The following MKNK2 variants were observed in gnomAD, a reference collection of about 807,000 sequenced individuals.
MKNK2 encodes MAP kinase-interacting serine/threonine-protein kinase 2.
MKNK2 carries 54 observed loss-of-function variants against 55.0 expected under a neutral mutation model. The observed-to-expected ratio is 0.98, with a 90% CI of 0.79 to 1.23. The LOEUF (loss-of-function observed/expected upper bound fraction) is 1.23, where lower values mean the gene tolerates loss of function less well. MKNK2 is among the 50% of genes most tolerant of loss of function. The pLI, the probability that MKNK2 is intolerant of heterozygous loss-of-function variation, is 0.00. For synonymous variants in MKNK2, 323 were observed against 256.0 expected (o/e 1.26, Z -2.50); for missense variants, 685 against 632.1 (o/e 1.08, Z -0.90).
chr19:2,041,910 T>C lies in MKNK2; in HGVS notation c.875A>G (p.Tyr292Cys). ...GVILYILLSG[Y>C]PPFVGRCGSD... ...GCCACAGCGGCCCACGAAGGGCGGG[T>C]AGCCGCTGAGTAGGATATACAAGAT... The change falls in exon 11 of 14, where the codon TAC (tyrosine) becomes TGC (cysteine). Residue 292 changes from tyrosine (Y) to cysteine (C), a missense_variant. Physicochemically the swap from Tyr to Cys is radical, Grantham distance 194 (BLOSUM62 -2). Transcript: ENST00000250896. 3 of 1,546,214 alleles carry C rather than the reference T, an allele frequency of 1.9e-6. No homozygotes were observed. Among genetic ancestry groups the C allele is most frequent in the Non-Finnish European group, 2.6e-6 (3 of 1,144,974 alleles).
chr19:2,040,863 A>ACCCCTCATCC (rs1159929525), intron 12 of MKNK2, 177 bp downstream of exon 12: 1 of 659,578 alleles, frequency 1.5e-6, no homozygotes, highest in Admixed American at 2.9e-5. Context: ...GGCACCGTGC[A>ACCCCTCATCC]CAGGCGGGCG....
chr19:2,048,616 G>A (rs2017048826), intron 2 of MKNK2, among the ~76,000 whole-genome samples: 1 of 152,198 alleles, frequency 6.6e-6, no homozygotes, highest in African/African-American at 2.4e-5. Flanking sequence ...TCTAACAAGA[G>A]GGTCGTTCAG....
chr19:2,041,707 T>G (rs1304681286), intron 11 of MKNK2, 133 bp downstream of exon 11: 10 of 671,302 alleles, frequency 1.5e-5, no homozygotes, highest in Non-Finnish European at 2.4e-5. Context: ...CCCCGAGGGT[T>G]AGGGGGTGGT....
At chr19:2,040,300 G>A in intron 12 of MKNK2, 123 bp from the exon 13 acceptor site, 5 of 883,014 alleles carry the variant, frequency 5.7e-6, no homozygotes, top group Non-Finnish European at 8.4e-6. Flanking sequence ...CGGAGACCAG[G>A]AGTGCACCTG....
chr19:2,042,916 C>A, intron 7 of MKNK2, 46 bp from the exon 8 acceptor site: 1 of 1,522,114 alleles, frequency 6.6e-7, no homozygotes, highest in East Asian at 2.4e-5. Context: ...ACGCAGGTCA[C>A]CTCAAAGTCC....
Position 2,046,430 on chromosome 19 carries a change from T to C in MKNK2, c.178A>G (p.Lys60Glu), listed in dbSNP as rs1240110507. Residue 60 changes from lysine (K) to glutamate (E), a missense_variant, in exon 4 of 14, where the codon AAG (lysine) becomes GAG (glutamate). Physicochemically the swap from Lys to Glu is moderately conservative, Grantham distance 56. Transcript: ENST00000250896. ...ASQPIDIPDAKKRGKKKKRGR... is the reference protein window; with the variant it reads ...ASQPIDIPDAEKRGKKKKRGR... ...CGCTTCTTCTTCTTGCCCCTCTTCTTGGCGTCCGGGATGTCAATGGGCTGG... is the reference window on the plus strand; with the variant it reads ...CGCTTCTTCTTCTTGCCCCTCTTCTCGGCGTCCGGGATGTCAATGGGCTGG... 6.2e-7 allele frequency: 1 copy of C among 1,609,300 alleles called. No individual in the cohort carries two copies. Among genetic ancestry groups the C allele is most frequent in the Non-Finnish European group, 8.5e-7 (1 of 1,179,806 alleles).
intron 7 of MKNK2, 30 bp downstream of exon 7, chr19:2,043,094 C>T (rs2016927901): frequency 1.9e-6 from 3 of 1,586,108 alleles, no homozygotes; most frequent in Non-Finnish European, 2.6e-6. Context: ...CCAGCTCCCT[C>T]CCTCCTCACA....
chr19:2,042,658 G>A lies in MKNK2; in HGVS notation c.603C>T (p.Ile201=), dbSNP rs929462907. The change falls in exon 9 of 14, where the codon ATC becomes ATT. Residue 201 remains isoleucine, a synonymous_variant. Coordinates refer to ENST00000250896, the MANE Select transcript of MKNK2 (RefSeq NM_199054.3). ...SALDFLHNKG[I]AHRDLKPENI... Reference sequence around the variant, plus strand: ...TTTCCGGCTTTAGGTCCCTGTGGGCGATGCCTGGGGGAGAAGCCACAGAAC... The same window carrying A: ...TTTCCGGCTTTAGGTCCCTGTGGGCAATGCCTGGGGGAGAAGCCACAGAAC... 35 of 1,561,200 alleles carry A rather than the reference G, an allele frequency of 2.2e-5. No individual in the cohort carries two copies. The South Asian group carries it at 2.4e-4, about 11-fold the overall frequency.
At chr19:2,041,703 G>A (rs765423677) in intron 11 of MKNK2, 137 bp downstream of exon 11, 37 of 663,012 alleles carry the variant, frequency 5.6e-5, no homozygotes, top group Non-Finnish European at 9.1e-5. Context: ...AGGTCCCCGA[G>A]GGTTAGGGGG....
At position 2,043,446 on chromosome 19, in the gene MKNK2, C is replaced by T. The variant is rs2145688514; in HGVS notation, c.419+57G>A. 4 of 1,507,194 alleles carry T rather than the reference C, an allele frequency of 2.7e-6. No homozygotes were observed. The South Asian group carries it at 3.4e-5, about 13-fold the overall frequency. The allele number at this position is 1,507,194 out of a possible 1,614,324, so 93.4% of individuals were successfully genotyped here. A position where few individuals can be genotyped will look rare whatever the true frequency, so the allele number is the denominator to read the frequency against. On this transcript the variant is annotated intron_variant, in intron 6 of 13. Coordinates refer to ENST00000250896, the MANE Select transcript of MKNK2 (RefSeq NM_199054.3). Reference sequence around the variant, plus strand: ...GCTGGGGGTGATGTGGCACTCAGGCCCTTCATCCACTGAAAGACAGCTCAG... The same window carrying T: ...GCTGGGGGTGATGTGGCACTCAGGCTCTTCATCCACTGAAAGACAGCTCAG...
chr19:2,042,386 A>C, intron 10 of MKNK2, 41 bp downstream of exon 10: 2 of 1,524,862 alleles, frequency 1.3e-6, no homozygotes, highest in Non-Finnish European at 1.8e-6. Flanking sequence ...GCAACCGCAG[A>C]GCAGGCGGCC....
At position 2,046,629 on chromosome 19, in the gene MKNK2, A is replaced by G. The variant is rs755246430; in HGVS notation, c.114T>C (p.Phe38=). The G allele has an allele frequency of 1.3e-6, 2 of 1,568,766 alleles. No homozygotes were observed. The highest frequency in any genetic ancestry group is 1.7e-6 in the Non-Finnish European group (2 of 1,158,054). The change falls in exon 3 of 14, where the codon TTT becomes TTC. Residue 38 remains phenylalanine (F), a synonymous_variant. Transcript: ENST00000250896. ...LDQPDHGDSD[F]GLQCSARPDM... The stretch of plus-strand genomic sequence containing the variant: ...CAGGGCGGGCTGAGCACTGCAGGCC[A>G]AAGTCAGAGTCTCCGTGGTCGGGCT...
chr19:2,044,488 G>A (rs932430657), intron 5 of MKNK2, among the ~76,000 whole-genome samples: 2 of 152,218 alleles, frequency 1.3e-5, no homozygotes, highest in Non-Finnish European at 2.9e-5. Flanking sequence ...GCTTCCCCTG[G>A]CACCTGCTGG....
intron 11 of MKNK2, among the ~76,000 whole-genome samples, chr19:2,041,628 G>T (rs1478132875): frequency 6.6e-6 from 1 of 152,146 alleles, no homozygotes; most frequent in East Asian, 1.9e-4. Flanking sequence ...GGCACACCGG[G>T]CAGGTCCCCA....
chr19:2,037,847 A>AAAAAAC lies in MKNK2; in HGVS notation c.*1765_*1766insGTTTTT. The AAAAAAC allele has an allele frequency of 5.9e-6, 9 of 1,512,944 alleles. No homozygotes were observed. The South Asian group carries it at 1.1e-4, about 18-fold the overall frequency. The allele number at this position is 1,512,944 out of a possible 1,614,324, so 93.7% of individuals were successfully genotyped here. On this transcript the variant is annotated 3_prime_UTR_variant, in exon 14 of 14. Coordinates refer to ENST00000250896, the MANE Select transcript of MKNK2 (RefSeq NM_199054.3). ...TGTCCCACCTTCAGAAAAAAAAAAA[A>AAAAAAC]AAACAAACAAACAAACGCTGCTAGC...
chr19:2,039,105 C>T lies in MKNK2; in HGVS notation c.*508G>A. 1 of 987,790 alleles carries T rather than the reference C, an allele frequency of 1.0e-6. No individual in the cohort carries two copies. The highest frequency in any genetic ancestry group is 1.2e-6 in the Non-Finnish European group (1 of 831,214). 61.2% of individuals were successfully genotyped at this position (987,790 alleles called of 1,614,324 possible). ...CCCCTCCCTTCCCCAACCAAGCCACCAGGGGTGCTCTCAGGGTGAGGGATA... is the reference window on the plus strand; with the variant it reads ...CCCCTCCCTTCCCCAACCAAGCCACTAGGGGTGCTCTCAGGGTGAGGGATA... On this transcript the variant is annotated 3_prime_UTR_variant, in exon 14 of 14. Transcript: ENST00000250896.
At chr19:2,046,494 GC>G (rs1568239194) in intron 3 of MKNK2, 26 bp from the exon 4 acceptor site, 2 of 1,599,680 alleles carry the variant, frequency 1.3e-6, no homozygotes, top group Non-Finnish European at 1.7e-6. Flanking sequence ...CGCCCAGGGG[GC>G]TCAGGACATG....
At position 2,039,184 on chromosome 19, in the gene MKNK2, A is replaced by G. The variant is rs988799132; in HGVS notation, c.*429T>C. 9 of 1,009,608 alleles carry G rather than the reference A, an allele frequency of 8.9e-6. No homozygotes were observed. The South Asian group carries it at 3.6e-4, about 40-fold the overall frequency. The allele number at this position is 1,009,608 out of a possible 1,614,324, so 62.5% of individuals were successfully genotyped here. On this transcript the variant is annotated 3_prime_UTR_variant, in exon 14 of 14. Coordinates refer to ENST00000250896, the MANE Select transcript of MKNK2 (RefSeq NM_199054.3). ...GCGGGCTGGGAGGGAACACGAGGGCAGGGTCCTGTGCCCCTCCCCAGCTCT... is the reference window on the plus strand; with the variant it reads ...GCGGGCTGGGAGGGAACACGAGGGCGGGGTCCTGTGCCCCTCCCCAGCTCT...
At chr19:2,042,059 A>G (rs1367161988) in intron 10 of MKNK2, 25 bp from the exon 11 acceptor site, 7 of 1,462,974 alleles carry the variant, frequency 4.8e-6, no homozygotes, top group Non-Finnish European at 6.3e-6. Flanking sequence ...GGGGCGCGTC[A>G]GCCGGGGTTT....
Sources: gnomAD v4.1 joint callset for allele counts (sites outside exome capture counted in the v4.1 genomes callset) on GRCh38, gnomAD v4.1.1 for gene constraint, MANE v1.5 for transcripts, NCBI Gene and HGNC (gene_info 2026-07-23, HGNC 2026-07-21) for gene names.